The following HMGXB4 variants were observed in gnomAD, a reference collection of about 807,000 sequenced individuals.
The protein encoded by HMGXB4 is HMG domain-containing protein 4.
HMGXB4 carries 27 observed loss-of-function variants against 63.9 expected under a neutral mutation model. The observed-to-expected ratio is 0.42, with a 90% confidence interval of 0.31 to 0.58. The LOEUF (loss-of-function observed/expected upper bound fraction) is 0.58. Among genes scored for constraint, HMGXB4 ranks in the 20% least tolerant of loss-of-function variants. The pLI is 0.13. For missense variants in HMGXB4, 624 were observed against 700.7 expected, an observed-to-expected ratio of 0.89 and a Z score of 1.24; for synonymous variants, 264 against 265.3, an observed-to-expected ratio of 0.99 and a Z score of 0.05.
intron 5 of HMGXB4, among the ~76,000 whole-genome samples, chr22:35,271,431 G>C (rs1258996586): frequency 6.6e-6 from 1 of 152,182 alleles, no homozygotes; most frequent in Non-Finnish European, 1.5e-5. Flanking sequence ...AGAATAGCTG[G>C]TTTGGGAGAA....
chr22:35,275,618 C>T (rs112801816), intron 5 of HMGXB4, among the ~76,000 whole-genome samples: 14 of 152,246 alleles, frequency 9.2e-5, no homozygotes, highest in Non-Finnish European at 2.1e-4. Flanking sequence ...GTGGCACACA[C>T]CTGTAATCCC....
At chr22:35,287,544 A>C in intron 8 of HMGXB4, 92 bp downstream of exon 8, 1 of 797,144 alleles carries the variant, frequency 1.3e-6, no homozygotes. Context: ...CAGTATTAGA[A>C]GTGGACCTTG....
At chr22:35,242,456 C>T in the HMGXB4 span, among the ~76,000 whole-genome samples, 3 of 152,016 alleles carry the variant, frequency 2.0e-5, no homozygotes, top group Non-Finnish European at 4.4e-5. Context: ...GTTCAAAATA[C>T]TCCCTTATTA....
the HMGXB4 span, among the ~76,000 whole-genome samples, chr22:35,243,621 G>A: frequency 6.6e-6 from 1 of 150,546 alleles, no homozygotes; most frequent in Admixed American, 6.6e-5. Context: ...TCGGCTCACT[G>A]CAACCTCCAC....
intron 7 of HMGXB4, chr22:35,286,887 A>G (rs1365682359): frequency 1.9e-5 from 2 of 103,444 alleles, no homozygotes; most frequent in African/African-American, 5.2e-5. Context: ...TATCTGAATC[A>G]TTGAGACTTA....
At chr22:35,267,631 C>T (rs1923344355) in intron 5 of HMGXB4, among the ~76,000 whole-genome samples, 1 of 150,552 alleles carries the variant, frequency 6.6e-6, no homozygotes, top group East Asian at 1.9e-4. Context: ...GACCTAGCTA[C>T]ACCTTCTGTA....
chr22:35,277,356 T>C (rs904189041), intron 5 of HMGXB4, among the ~76,000 whole-genome samples: 23 of 152,224 alleles, frequency 1.5e-4, no homozygotes, highest in African/African-American at 4.1e-4. Context: ...TTTTTGTTTA[T>C]GTTTTTGTTT....
rs1394853295 is a variant in HMGXB4, at chr22:35,264,987, A to G, written c.599A>G (p.Glu200Gly). 1 of 1,614,094 alleles carries G rather than the reference A, an allele frequency of 6.2e-7. No homozygotes were observed. The highest frequency in any genetic ancestry group is 8.5e-7 in the Non-Finnish European group (1 of 1,180,006). ...ATGAAACTTATTCTGTCACCAAAGG[A>G]GAAGGGAAGCAGCTCTGTTGATGAG... ...LKMKLILSPKEKGSSSVDEES... is the reference protein window; with the variant it reads ...LKMKLILSPKGKGSSSVDEES... The change falls in exon 5 of 11, where the codon GAG (glutamate) becomes GGG (glycine). Residue 200 changes from glutamate (E) to glycine (G), a missense_variant. Coordinates refer to ENST00000216106, the MANE Select transcript of HMGXB4 (RefSeq NM_001003681.3).
intron 7 of HMGXB4, 40 bp from the exon 8 acceptor site, chr22:35,287,307 C>T (rs1367776545): frequency 3.4e-6 from 5 of 1,458,266 alleles, no homozygotes; most frequent in Non-Finnish European, 9.5e-7. Context: ...TACATTTTGT[C>T]CTTCTTAATT....
intron 4 of HMGXB4, 67 bp downstream of exon 4, chr22:35,263,941 A>G (rs771778530): frequency 6.3e-7 from 1 of 1,596,714 alleles, no homozygotes; most frequent in Non-Finnish European, 8.6e-7. Context: ...GGGTAGGGGA[A>G]AGGGATCCAG....
Position 35,270,365 on chromosome 22 carries a change from GA to G in HMGXB4, c.1215+4766del, listed in dbSNP as rs1456398159. 3.1e-4 allele frequency among the ~76,000 whole-genome samples: 47 copies of G among 152,338 alleles called. 1 individual carries two copies. Among genetic ancestry groups the G allele is most frequent in the East Asian group, 1.9e-4 (1 of 5,186 alleles). ...CCCAGATGGGACCATCTAGTTGGAA[GA>G]AAATAAGCTCAGGGCTCCCACTGAT... On this transcript the variant is annotated intron_variant, in intron 5 of 10. Coordinates refer to ENST00000216106, the MANE Select transcript of HMGXB4 (RefSeq NM_001003681.3).
upstream of HMGXB4, among the ~76,000 whole-genome samples, chr22:35,252,812 A>T (rs550762621): frequency 2.6e-5 from 4 of 152,136 alleles, no homozygotes; most frequent in African/African-American, 9.6e-5. Context: ...GACCAGCCTG[A>T]CCAACATGGA....
At chr22:35,269,376 AAAAC>A (rs1309673014) in intron 5 of HMGXB4, among the ~76,000 whole-genome samples, 5 of 152,178 alleles carry the variant, frequency 3.3e-5, no homozygotes, top group African/African-American at 7.2e-5. Context: ...AGACTGTCTC[AAAAC>A]AAACAAACAA....
chr22:35,283,328 C>T lies in HMGXB4; in HGVS notation c.1216-634C>T, dbSNP rs113299815. On this transcript the variant is annotated intron_variant, in intron 5 of 10. Transcript: ENST00000216106. ...TTTCAAAGATGAGAAAAATAGACAC[C>T]CCAGGAGTGGTAAAGATTCTCTTAG... Among the ~76,000 whole-genome samples the T allele has an allele frequency of 9.4e-3, 1,425 of 152,100 alleles. 15 individuals are homozygous for T. Among genetic ancestry groups the T allele is most frequent in the African/African-American group, 0.033 (1,370 of 41,486 alleles).
Position 35,287,341 on chromosome 22 carries a change from T to A in HMGXB4, c.1363-6T>A, listed in dbSNP as rs771053984. 8.7e-6 allele frequency: 14 copies of A among 1,602,564 alleles called. 1 individual carries two copies. The South Asian group carries it at 1.2e-4, about 14-fold the overall frequency. On this transcript the variant is annotated splice_region_variant and splice_polypyrimidine_tract_variant and intron_variant, in intron 7 of 10. Coordinates refer to ENST00000216106, the MANE Select transcript of HMGXB4 (RefSeq NM_001003681.3). ...TTTAATTTAATGTTCACTGATGTGA[T>A]TGCAGATTTGGAAGCAAAAAGCTCA...
rs368603452 is a variant in HMGXB4 at position 35,283,789 on chromosome 22, C to CAA, written c.1216-168_1216-167dup. 5.1e-3 allele frequency among the ~76,000 whole-genome samples: 564 copies of CAA among 109,942 alleles called. 3 individuals carry two copies. The highest frequency in any genetic ancestry group is 9.5e-3 in the Non-Finnish European group (398 of 41,882). The allele number at this position is 109,942 out of a possible 152,430, so 72.1% of individuals were successfully genotyped here. The stretch of plus-strand genomic sequence containing the variant: ...TGGGCGACAGAGTGAGACTGTATCT[C>CAA]AAAAAATATATATATATATATTATC... On this transcript the variant is annotated intron_variant, in intron 5 of 10. Transcript: ENST00000216106.
At position 35,264,899 on chromosome 22, in the gene HMGXB4, A is replaced by G; in HGVS notation, c.511A>G (p.Lys171Glu). Residue 171 changes from lysine (K) to glutamate (E), a missense_variant, in exon 5 of 11, where the codon AAA (lysine) becomes GAA (glutamate). Lys to Glu is a moderately conservative substitution (Grantham distance 56). Around this residue, in one of 2 missense-constraint regions of HMGXB4, gnomAD observed 472 missense variants for 470.6 expected, o/e 1.00. Transcript: ENST00000216106. ...GGATGGTGGCTCCCACAAATCGAAA[A>G]AAATGAAACCTCTCTATGTGAACAC... ...LEDGGSHKSK[K>E]MKPLYVNTET... 1.2e-6 allele frequency: 2 copies of G among 1,614,170 alleles called. No homozygotes were observed. Among genetic ancestry groups the G allele is most frequent in the Non-Finnish European group, 1.7e-6 (2 of 1,180,028 alleles).
intron 5 of HMGXB4, among the ~76,000 whole-genome samples, chr22:35,275,719 A>G (rs181467299): frequency 6.6e-6 from 1 of 152,302 alleles, no homozygotes. Flanking sequence ...ATCCTGGGTG[A>G]CACAGCAAGA....
At chr22:35,244,695 TG>T in the HMGXB4 span, among the ~76,000 whole-genome samples, 1 of 152,216 alleles carries the variant, frequency 6.6e-6, no homozygotes, top group Admixed American at 6.5e-5. Flanking sequence ...CCTCTGCCTT[TG>T]CCCCTTTTAA....
Sources: allele counts gnomAD v4.1 joint callset (sites outside exome capture counted in the v4.1 genomes callset), GRCh38; gene constraint gnomAD v4.1.1; regional missense constraint gnomAD v4.1.1; transcripts MANE v1.5; gene names NCBI Gene and HGNC (gene_info 2026-07-23, HGNC 2026-07-21).